ARHGAP23: variants seen among roughly 807,000 people sequenced by gnomAD.
ARHGAP23 encodes the protein rho GTPase-activating protein 23.
Under a neutral mutation model 136.3 loss-of-function variants are expected in ARHGAP23, and 34 were observed. That is an observed-to-expected ratio of 0.25 (90% CI 0.19 to 0.33). The LOEUF is 0.33. Among genes scored for constraint, ARHGAP23 ranks in the 10% least tolerant of loss-of-function variants. The pLI, the probability that ARHGAP23 is intolerant of heterozygous loss-of-function variation, is 1.00. For synonymous variants in ARHGAP23, 832 were observed against 920.5 expected (o/e 0.90, Z 1.74); for missense variants, 1,808 against 2,139.0 (o/e 0.85, Z 3.05).
In ARHGAP23 at chr17:38,482,086, C is replaced by T. The variant is rs763392739; in HGVS notation, c.2694C>T (p.Ala898=). 5.8e-6 allele frequency: 9 copies of T among 1,549,954 alleles called. No homozygotes were observed. Among genetic ancestry groups the T allele is most frequent in the Middle Eastern group, 1.8e-4 (1 of 5,650 alleles). The stretch of plus-strand genomic sequence containing the variant: ...ACATCATCAAGAAAAATAAGAAGGC[C>T]GCTCCGAGGGCGTTTGGGGTCAGGC... The part of the protein sequence containing the change: ...GINIIKKNKK[A]APRAFGVRLE... Residue 898 remains alanine (A), a synonymous_variant, in exon 15 of 24, where the codon GCC becomes GCT. Transcript: ENST00000622683.
intron 12 of ARHGAP23, among the ~76,000 whole-genome samples, chr17:38,478,418 T>TA (rs2039950908): frequency 9.5e-4 from 1 of 1,054 alleles, no homozygotes; most frequent in African/African-American, 2.8e-3. Context: ...TTTGGGATAA[T>TA]TTTTTTTTTT....
intron 15 of ARHGAP23, among the ~76,000 whole-genome samples, 156 bp downstream of exon 15, chr17:38,482,299 G>A (rs1225225475): frequency 6.6e-6 from 1 of 152,250 alleles, no homozygotes; most frequent in African/African-American, 2.4e-5. Context: ...CCTGCCCCGG[G>A]CCTCCCAGGG....
At chr17:38,488,451 A>G (rs541624211) in intron 17 of ARHGAP23, among the ~76,000 whole-genome samples, 3 of 152,350 alleles carry the variant, frequency 2.0e-5, no homozygotes, top group East Asian at 3.9e-4. Flanking sequence ...TTTTACAGCT[A>G]TTAACCCTTT....
intron 16 of ARHGAP23, among the ~76,000 whole-genome samples, chr17:38,485,608 T>G (rs1349407012): frequency 6.6e-6 from 1 of 152,144 alleles, no homozygotes; most frequent in East Asian, 1.9e-4. Flanking sequence ...GAAGGCCTCT[T>G]TGAAGAGCGA....
intron 1 of ARHGAP23, among the ~76,000 whole-genome samples, chr17:38,444,438 C>T (rs188554619): frequency 7.9e-5 from 12 of 152,082 alleles, no homozygotes; most frequent in African/African-American, 2.2e-4. Flanking sequence ...GCGTGTGGCG[C>T]GTTGGAATGG....
Position 38,477,819 on chromosome 17 carries a change from C to G in ARHGAP23, c.2359C>G (p.Leu787Val). The change falls in exon 12 of 24, where the codon CTC (leucine) becomes GTC (valine). Residue 787 changes from leucine to valine, a missense_variant. Around this residue, in one of 7 missense-constraint regions of ARHGAP23, gnomAD observed 139 missense variants for 264.3 expected, o/e 0.53. Transcript: ENST00000622683. This position sits in a 1 kb window ranked among gnomAD's most constrained non-coding sequence, Gnocchi z 6.6. ...GACCACCGCTGACTTCTGTGAATAT[C>G]TCTTTCAGGCTGAGGACCGGGATGA... is the stretch of plus-strand genomic sequence containing the variant. ...RLTTADFCEY[L>V]FQAEDRDDML... The G allele has an allele frequency of 6.5e-7, 1 of 1,550,126 alleles. No homozygotes were observed. The highest frequency in any genetic ancestry group is 8.7e-7 in the Non-Finnish European group (1 of 1,146,600).
chr17:38,502,780 C>T (rs1371948027), intron 23 of ARHGAP23, among the ~76,000 whole-genome samples: 1 of 152,226 alleles, frequency 6.6e-6, no homozygotes, highest in Non-Finnish European at 1.5e-5. Flanking sequence ...CATGGTGGCT[C>T]ACGCCTATAA....
At chr17:38,434,687 G>C (rs1399183619) in intron 1 of ARHGAP23, among the ~76,000 whole-genome samples, 1 of 152,250 alleles carries the variant, frequency 6.6e-6, no homozygotes, top group Non-Finnish European at 1.5e-5. Context: ...CCTAGGCAGG[G>C]GCCGAGTTCA....
At chr17:38,441,188 C>T (rs1295548415) in intron 1 of ARHGAP23, among the ~76,000 whole-genome samples, 3 of 152,238 alleles carry the variant, frequency 2.0e-5, no homozygotes, top group Non-Finnish European at 4.4e-5. Context: ...TGACAACACC[C>T]CTTGCTCTGT....
intron 22 of ARHGAP23, among the ~76,000 whole-genome samples, chr17:38,500,055 G>T (rs567045686): frequency 6.6e-6 from 1 of 152,328 alleles, no homozygotes; most frequent in African/African-American, 2.4e-5. Flanking sequence ...TCCACCTCCT[G>T]CGTCCCACCC....
rs1156918701 is a variant in ARHGAP23, at chr17:38,467,136, C to T, written c.1453C>T (p.Arg485Cys). The change falls in exon 7 of 24, where the codon CGC becomes TGC. Residue 485 changes from arginine (R) to cysteine (C), a missense_variant. Transcript: ENST00000622683. ...GGCCCTGGAGCCTCCTGCGGAGGAT[C>T]GCGGCGATGAGGTGGTCCTGAGGCA... Reference protein sequence around the residue: ...TRALEPPAEDRGDEVVLRQKP... With the variant: ...TRALEPPAEDCGDEVVLRQKP... 21 of 1,549,640 alleles carry T rather than the reference C, an allele frequency of 1.4e-5. No homozygotes were observed. Among genetic ancestry groups the T allele is most frequent in the East Asian group, 2.4e-5 (1 of 40,866 alleles).
intron 20 of ARHGAP23, 83 bp downstream of exon 20, chr17:38,491,615 G>C: frequency 6.5e-7 from 1 of 1,528,008 alleles, no homozygotes; most frequent in South Asian, 1.2e-5. Context: ...TGCTCCGCCT[G>C]GCGGAGTGTG....
intron 2 of ARHGAP23, among the ~76,000 whole-genome samples, chr17:38,458,969 T>G (rs985657994): frequency 2.0e-5 from 3 of 152,074 alleles, no homozygotes; most frequent in Admixed American, 2.0e-4. Context: ...GAACCAGGGG[T>G]CCTGACCCCA....
At chr17:38,468,137 G>A (rs1567801687) in intron 7 of ARHGAP23, among the ~76,000 whole-genome samples, 1 of 152,318 alleles carries the variant, frequency 6.6e-6, no homozygotes, top group African/African-American at 2.4e-5. Context: ...TCAAGGAGAG[G>A]GAATAGAATA....
At chr17:38,436,461 G>A (rs978088607) in intron 1 of ARHGAP23, among the ~76,000 whole-genome samples, 1 of 152,206 alleles carries the variant, frequency 6.6e-6, no homozygotes, top group African/African-American at 2.4e-5. Flanking sequence ...GGCAGGAGAA[G>A]GCCCTGATCC....
chr17:38,449,683 C>A (rs556007393), intron 1 of ARHGAP23, among the ~76,000 whole-genome samples: 6 of 152,234 alleles, frequency 3.9e-5, no homozygotes, highest in African/African-American at 1.4e-4. Context: ...TGTCTGTGTG[C>A]GAGGTTGTGG....
chr17:38,442,385 ACT>A (rs1400867978), intron 1 of ARHGAP23, among the ~76,000 whole-genome samples: 1 of 151,814 alleles, frequency 6.6e-6, no homozygotes, highest in Non-Finnish European at 1.5e-5. Flanking sequence ...GTTACCTCTA[ACT>A]CTCTGAGGAA....
At chr17:38,498,860 C>A in intron 22 of ARHGAP23, 1 of 696,524 alleles carries the variant, frequency 1.4e-6, no homozygotes, top group Non-Finnish European at 2.6e-6. Context: ...CTTGCACCCC[C>A]GCCTCTCCCT....
rs776496515 is a variant in ARHGAP23 at position 38,458,245 on chromosome 17, C to T, written c.207C>T (p.Ala69=). 35 of 1,529,472 alleles carry T rather than the reference C, an allele frequency of 2.3e-5. No homozygotes were observed. The African/African-American group carries it at 2.5e-4, about 11-fold the overall frequency. 94.7% of individuals were successfully genotyped at this position (1,529,472 alleles called of 1,614,324 possible). ...RHFIVYPPES[A]VHCSLKEEEN... ...TCATCGTGTACCCACCCGAGTCGGC[C>T]GTGCACTGCAGCCTGAAGGTATGCC... Residue 69 remains alanine (A), a synonymous_variant, in exon 2 of 24, where the codon GCC becomes GCT. Transcript: ENST00000622683.
Sources: allele counts gnomAD v4.1 joint callset (sites outside exome capture counted in the v4.1 genomes callset), GRCh38; gene constraint gnomAD v4.1.1; regional missense constraint gnomAD v4.1.1; non-coding constraint Gnocchi (gnomAD v3.1); transcripts MANE v1.5; gene names NCBI Gene and HGNC (gene_info 2026-07-23, HGNC 2026-07-21).